Variants in NCALD observed in about 807,000 individuals in gnomAD.
The protein encoded by NCALD is neurocalcin-delta.
NCALD carries 10 observed loss-of-function variants against 18.6 expected under a neutral mutation model. The ratio of observed to expected loss-of-function variants is 0.54; its 90% CI spans 0.33 to 0.91. The LOEUF (loss-of-function observed/expected upper bound fraction) is 0.91. NCALD is among the 40% of genes least tolerant of loss of function. NCALD has a pLI of 0.03. For missense variants in NCALD, 184 were observed against 247.6 expected (o/e 0.74, Z 1.72); for synonymous variants, 88 against 87.4 (o/e 1.01, Z -0.04).
Position 101,804,320 on chromosome 8 carries a change from T to TAA in NCALD, c.-20+82820_-20+82821insTT, listed in dbSNP as rs1369367691. ...TATATATAATTATATCAATTATATA[T>TAA]TATATATAATTATATCAATTATATA... On this transcript the variant is annotated intron_variant, in intron 4 of 6. Coordinates refer to the NCALD transcript ENST00000311028. Among the ~76,000 whole-genome samples the TAA allele has an allele frequency of 3.1e-4, 25 of 79,398 alleles. 1 individual carries two copies. Among genetic ancestry groups the TAA allele is most frequent in the African/African-American group, 7.6e-4 (25 of 32,956 alleles). 52.1% of individuals were successfully genotyped at this position (79,398 alleles called of 152,430 possible).
intron 1 of NCALD, among the ~76,000 whole-genome samples, chr8:101,763,413 G>A (rs1274559864): frequency 6.6e-6 from 1 of 152,142 alleles, no homozygotes; most frequent in Non-Finnish European, 1.5e-5. Context: ...TTTGGCTTGA[G>A]CTAAAACTGG....
intron 2 of NCALD, among the ~76,000 whole-genome samples, chr8:101,953,370 G>C (rs1819504944): frequency 6.6e-6 from 1 of 152,228 alleles, no homozygotes; most frequent in Admixed American, 6.5e-5. Context: ...GCTGATGGCT[G>C]TTAGGACCTG....
intron 2 of NCALD, among the ~76,000 whole-genome samples, chr8:101,701,387 C>A (rs1815259957): frequency 6.6e-6 from 1 of 152,112 alleles, no homozygotes; most frequent in African/African-American, 2.4e-5. Flanking sequence ...GCAGGGTCAT[C>A]CTGTTTTCAA....
At chr8:101,871,462 C>T (rs1370260035) in intron 4 of NCALD, among the ~76,000 whole-genome samples, 2 of 152,108 alleles carry the variant, frequency 1.3e-5, no homozygotes, top group Non-Finnish European at 2.9e-5. Context: ...ACAATACATG[C>T]TAGAACCCAA....
At chr8:101,838,303 C>A (rs1220585505) in intron 4 of NCALD, among the ~76,000 whole-genome samples, 1 of 152,104 alleles carries the variant, frequency 6.6e-6, no homozygotes, top group Non-Finnish European at 1.5e-5. Context: ...CTCACTGCAG[C>A]CTCCACCTCC....
chr8:101,826,366 A>G (rs576015965), intron 4 of NCALD, among the ~76,000 whole-genome samples: 40 of 151,250 alleles, frequency 2.6e-4, no homozygotes, highest in African/African-American at 9.1e-4. Context: ...AACATTCCTC[A>G]GTGTTTTAGT....
At chr8:101,901,088 C>G (rs535990215) in intron 3 of NCALD, among the ~76,000 whole-genome samples, 12 of 151,954 alleles carry the variant, frequency 7.9e-5, no homozygotes, top group Non-Finnish European at 1.6e-4. Context: ...GCCCTTTTAT[C>G]ATTATATAAT....
chr8:101,776,352 A>G (rs938977214), intron 1 of NCALD, among the ~76,000 whole-genome samples: 3 of 152,140 alleles, frequency 2.0e-5, no homozygotes, highest in Admixed American at 6.5e-5. Flanking sequence ...ACTGACAAAC[A>G]CTTATCAGGT....
rs563983002 is a variant in NCALD at position 101,710,747 on chromosome 8, G to T, written c.378+8505C>A. Among the ~76,000 whole-genome samples, 5 of 152,364 alleles carry T rather than the reference G, an allele frequency of 3.3e-5. No individual in the cohort carries two copies. The South Asian group carries it at 1.0e-3, about 32-fold the overall frequency. ...CTCTCTGGGCAGGGCATCTCTGAAAGAAAGGCAGCAGCCCCATTCAGGGGC... is the reference window on the plus strand; with the variant it reads ...CTCTCTGGGCAGGGCATCTCTGAAATAAAGGCAGCAGCCCCATTCAGGGGC... On this transcript the variant is annotated intron_variant, in intron 2 of 3. Coordinates refer to ENST00000220931, the MANE Select transcript of NCALD (RefSeq NM_032041.3).
At chr8:102,078,207 C>T (rs1587032794) in intron 1 of NCALD, among the ~76,000 whole-genome samples, 1 of 151,966 alleles carries the variant, frequency 6.6e-6, no homozygotes, top group Non-Finnish European at 1.5e-5. Context: ...CACACCATGC[C>T]CAACTCACCT....
chr8:101,707,736 C>T (rs534130541), intron 2 of NCALD, among the ~76,000 whole-genome samples: 29 of 152,268 alleles, frequency 1.9e-4, no homozygotes, highest in African/African-American at 6.0e-4. Context: ...GGCATGGTAG[C>T]AGGTGCCTGC....
At chr8:101,833,462 AAC>A (rs1171415501) in intron 4 of NCALD, among the ~76,000 whole-genome samples, 1 of 152,226 alleles carries the variant, frequency 6.6e-6, no homozygotes, top group Non-Finnish European at 1.5e-5. Context: ...TCGTAACAAT[AAC>A]ACAGTTCAGC....
chr8:101,692,285 C>T (rs1814765068), intron 3 of NCALD: 1 of 985,296 alleles, frequency 1.0e-6, no homozygotes, highest in Admixed American at 6.1e-5. Context: ...CCCCGGGCAC[C>T]CCAGTGACTA....
intron 2 of NCALD, 121 bp downstream of exon 2, chr8:101,719,131 C>T (rs543149560): frequency 1.7e-6 from 2 of 1,188,380 alleles, no homozygotes; most frequent in East Asian, 2.4e-5. Flanking sequence ...GCAGGGTGGG[C>T]CAAATGAAGT....
chr8:101,849,271 G>C (rs552244676), intron 4 of NCALD, among the ~76,000 whole-genome samples: 10 of 152,114 alleles, frequency 6.6e-5, no homozygotes, highest in Admixed American at 3.3e-4. Context: ...CATAGGTGAT[G>C]GGATGATCTG....
rs1047381658 is a variant in NCALD, at chr8:101,689,739, C to T, written c.485-333G>A. ...TGGTCCCTGACCTCCTGGCTCCAGG[C>T]GCCCTGGAGAGGCTCACTCAGCATT... On this transcript the variant is annotated intron_variant, in intron 3 of 3. Coordinates refer to ENST00000220931, the MANE Select transcript of NCALD (RefSeq NM_032041.3). The surrounding 1 kb of genome is among the most constrained non-coding windows in gnomAD (Gnocchi z 4.4). Among the ~76,000 whole-genome samples, 12 of 152,190 alleles carry T rather than the reference C, an allele frequency of 7.9e-5. No individual in the cohort carries two copies. The highest frequency in any genetic ancestry group is 6.5e-4 in the Admixed American group (10 of 15,284).
chr8:101,961,720 G>C (rs1214294707), intron 2 of NCALD, among the ~76,000 whole-genome samples: 8 of 152,204 alleles, frequency 5.3e-5, no homozygotes, highest in African/African-American at 1.7e-4. Flanking sequence ...GTGAGCCACT[G>C]TGTCTAGCAT....
At chr8:101,741,681 T>A (rs1024624314) in intron 1 of NCALD, among the ~76,000 whole-genome samples, 4 of 148,008 alleles carry the variant, frequency 2.7e-5, no homozygotes, top group African/African-American at 9.9e-5. Context: ...TTTCCCAGCA[T>A]TTTGGGAGGC....
chr8:101,842,637 A>G (rs1265989079), intron 4 of NCALD, among the ~76,000 whole-genome samples: 2 of 152,244 alleles, frequency 1.3e-5, no homozygotes, highest in Non-Finnish European at 2.9e-5. Context: ...GGGCTGTGCC[A>G]GTGATCTTCC....
Sources: allele counts gnomAD v4.1 joint callset (sites outside exome capture counted in the v4.1 genomes callset), GRCh38; gene constraint gnomAD v4.1.1; non-coding constraint Gnocchi (gnomAD v3.1); transcripts MANE v1.5; gene names NCBI Gene and HGNC (gene_info 2026-07-23, HGNC 2026-07-21).